DYNC2I1: variants seen among roughly 807,000 people sequenced by gnomAD.
The protein encoded by DYNC2I1 is dynein 2 intermediate chain 1.
A neutral mutation model predicts 133.4 loss-of-function variants in DYNC2I1; 89 were observed. The ratio of observed to expected loss-of-function variants is 0.67; its 90% CI spans 0.56 to 0.80. The LOEUF (loss-of-function observed/expected upper bound fraction) is 0.80. DYNC2I1 is among the 30% of genes least tolerant of loss of function. The probability of loss-of-function intolerance (pLI) is 0.00; values close to 1 mark genes in which losing one functional copy is unlikely to be tolerated. For synonymous variants in DYNC2I1, 504 were observed against 484.3 expected (o/e 1.04, Z -0.54); for missense variants, 1,291 against 1,314.5 (o/e 0.98, Z 0.28).
chr7:158,953,039 C>T (rs1166158291), intron 4 of DYNC2I1, among the ~76,000 whole-genome samples: 2 of 152,214 alleles, frequency 1.3e-5, no homozygotes, highest in African/African-American at 4.8e-5. Context: ...CATCCGCACC[C>T]ATGGGCTAAC....
chr7:158,874,880 A>G (rs1052877021), intron 3 of DYNC2I1, among the ~76,000 whole-genome samples: 4 of 152,000 alleles, frequency 2.6e-5, no homozygotes, highest in Non-Finnish European at 4.4e-5. Context: ...GCCCCTCCAC[A>G]CTGGCTGTCC....
At chr7:158,951,478 T>C (rs2657345) in intron 4 of DYNC2I1, among the ~76,000 whole-genome samples, 100,564 of 152,120 alleles carry the variant, frequency 0.66, 33,771 homozygotes, top group Non-Finnish European at 0.71. Flanking sequence ...GTGCAGGTGC[T>C]GGGAGCGTGA....
chr7:158,869,638 A>G (rs1037416046), intron 1 of DYNC2I1: 22 of 562,778 alleles, frequency 3.9e-5, no homozygotes, highest in African/African-American at 9.4e-5. Context: ...GAAGTAGCCA[A>G]AGGAACACAT....
intron 23 of DYNC2I1, among the ~76,000 whole-genome samples, chr7:158,938,393 G>A (rs1423383112): frequency 6.6e-6 from 1 of 152,182 alleles, no homozygotes; most frequent in Non-Finnish European, 1.5e-5. Flanking sequence ...AAATATGAGG[G>A]AGGGTTAAAG....
In DYNC2I1 at chr7:158,923,611, T is replaced by A; in HGVS notation, c.2135T>A (p.Leu712Gln). 6.2e-7 allele frequency: 1 copy of A among 1,614,060 alleles called. No individual in the cohort carries two copies. Among genetic ancestry groups the A allele is most frequent in the South Asian group, 1.1e-5 (1 of 91,090 alleles). The change falls in exon 17 of 25, where the codon CTG becomes CAG. Residue 712 changes from leucine (L) to glutamine (Q), a missense_variant. Leu to Gln is a moderately radical substitution (Grantham distance 113). Transcript: ENST00000407559. ...TTGAGCCCTTTGAAAGCATTTTTAC[T>A]GTTTGCCGGAACAGCGCACGGCTCA... is the stretch of plus-strand genomic sequence containing the variant. The part of the protein sequence containing the change: ...CCLSPLKAFL[L>Q]FAGTAHGSVV...
rs1405780046 is a variant in DYNC2I1, at chr7:158,914,269, T to C, written c.1739T>C (p.Met580Thr). 24 of 1,612,978 alleles carry C rather than the reference T, an allele frequency of 1.5e-5. No homozygotes were observed. The highest frequency in any genetic ancestry group is 9.3e-5 in the African/African-American group (7 of 74,922). The change falls in exon 14 of 25, where the codon ATG becomes ACG. Residue 580 changes from methionine to threonine, a missense_variant. Physicochemically the swap from Met to Thr is moderately conservative, Grantham distance 81 (BLOSUM62 -1). Coordinates refer to ENST00000407559, the MANE Select transcript of DYNC2I1 (RefSeq NM_018051.5). ...EQRDTSDAVVMPKIDTPRLCS... is the reference protein window; with the variant it reads ...EQRDTSDAVVTPKIDTPRLCS... ...AGAGATACCTCTGATGCTGTAGTTA[T>C]GCCAAAGATTGATACTCCAAGGTTA...
In DYNC2I1 at chr7:158,891,311, G is replaced by A; in HGVS notation, c.1037G>A (p.Arg346Lys). ...TCTGTGTGGTGGAAGCTGGACCAGA[G>A]GCCGGGAGGCGAGGAAACCGTGGTA... ...GSSVWWKLDQRPGGEETVEIE... is the reference protein window; with the variant it reads ...GSSVWWKLDQKPGGEETVEIE... Residue 346 changes from arginine to lysine, a missense_variant, in exon 8 of 25, where the codon AGG becomes AAG. Coordinates refer to ENST00000407559, the MANE Select transcript of DYNC2I1 (RefSeq NM_018051.5). The A allele has an allele frequency of 6.2e-7, 1 of 1,614,060 alleles. No homozygotes were observed. Among genetic ancestry groups the A allele is most frequent in the Non-Finnish European group, 8.5e-7 (1 of 1,179,898 alleles).
chr7:158,956,431 C>A (rs1383579967), intron 4 of DYNC2I1, among the ~76,000 whole-genome samples: 2 of 152,204 alleles, frequency 1.3e-5, no homozygotes, highest in African/African-American at 4.8e-5. Flanking sequence ...GCGGAGACAG[C>A]GTGGTGCTGA....
intron 14 of DYNC2I1, among the ~76,000 whole-genome samples, chr7:158,915,520 GGAT>G (rs1848045564): frequency 6.6e-6 from 1 of 151,082 alleles, no homozygotes; most frequent in Non-Finnish European, 1.5e-5. Flanking sequence ...TTGAGATAAA[GGAT>G]GATGGTGAAA....
At chr7:158,900,739 T>TG (rs1846162630) in intron 8 of DYNC2I1, among the ~76,000 whole-genome samples, 1 of 151,526 alleles carries the variant, frequency 6.6e-6, no homozygotes, top group African/African-American at 2.4e-5. Context: ...CTGTTTTTTT[T>TG]TTTTTTTTTT....
In DYNC2I1 at chr7:158,909,157, C is replaced by T. The variant is rs182940011; in HGVS notation, c.1461-2393C>T. Among the ~76,000 whole-genome samples the T allele has an allele frequency of 1.6e-4, 24 of 151,820 alleles. No homozygotes were observed. In the East Asian group the frequency reaches 2.5e-3, roughly 16 times the overall value. On this transcript the variant is annotated intron_variant, in intron 11 of 24. Coordinates refer to ENST00000407559, the MANE Select transcript of DYNC2I1 (RefSeq NM_018051.5). ...ACCAGCCTGGCCAACATGGTGAAAC[C>T]CCGTGCCTACCAAAAATACAGAAAT... is the stretch of plus-strand genomic sequence containing the variant.
the DYNC2I1 span, among the ~76,000 whole-genome samples, chr7:158,842,177 C>T: frequency 2.0e-5 from 3 of 152,086 alleles, no homozygotes; most frequent in Admixed American, 6.5e-5. Context: ...TGCAGGCACC[C>T]GCCACCATGC....
intron 3 of DYNC2I1, among the ~76,000 whole-genome samples, chr7:158,873,837 G>A (rs1408854178): frequency 6.6e-6 from 1 of 151,676 alleles, no homozygotes; most frequent in Non-Finnish European, 1.5e-5. Flanking sequence ...GCCCACTGCA[G>A]CCTCCGCCTC....
intron 1 of DYNC2I1, chr7:158,869,447 G>C (rs1454094598): frequency 2.1e-6 from 1 of 471,704 alleles, no homozygotes; most frequent in African/African-American, 2.0e-5. Context: ...CCCAGCGGCC[G>C]CAGAAGGAGC....
At chr7:158,841,215 A>ATTT in the DYNC2I1 span, among the ~76,000 whole-genome samples, 23 of 59,778 alleles carry the variant, frequency 3.8e-4, no homozygotes, top group African/African-American at 1.3e-3. Flanking sequence ...ATATATATAT[A>ATTT]TATATATTTT....
the DYNC2I1 span, among the ~76,000 whole-genome samples, chr7:158,844,630 C>A: frequency 1.3e-5 from 2 of 150,784 alleles, no homozygotes; most frequent in Non-Finnish European, 3.0e-5. Context: ...CATTTTTTTT[C>A]TTTTTTTTTG....
At chr7:158,871,655 C>G (rs1373700792) in intron 3 of DYNC2I1, 93 bp downstream of exon 3, 2 of 1,323,380 alleles carry the variant, frequency 1.5e-6, no homozygotes, top group Non-Finnish European at 2.0e-6. Context: ...CTCCCTCTCT[C>G]CCCCGCTTCC....
intron 5 of DYNC2I1, 66 bp downstream of exon 5, chr7:158,880,055 A>G: frequency 2.0e-6 from 3 of 1,520,986 alleles, no homozygotes; most frequent in Non-Finnish European, 2.6e-6. Context: ...GAGGAGGCTT[A>G]CCGGGCGGTG....
intron 14 of DYNC2I1, among the ~76,000 whole-genome samples, chr7:158,917,895 C>G (rs1054522053): frequency 3.3e-5 from 5 of 152,174 alleles, no homozygotes; most frequent in African/African-American, 1.2e-4. Context: ...CACACGAATC[C>G]TATCAATTCT....
Sources: allele counts gnomAD v4.1 joint callset (sites outside exome capture counted in the v4.1 genomes callset), GRCh38; gene constraint gnomAD v4.1.1; transcripts MANE v1.5; gene names NCBI Gene and HGNC (gene_info 2026-07-23, HGNC 2026-07-21).